The following MPHOSPH10 variants were observed in gnomAD, a reference collection of about 807,000 sequenced individuals.
The protein encoded by MPHOSPH10 is U3 small nucleolar ribonucleoprotein MPP10.
Under a neutral mutation model 77.3 loss-of-function variants are expected in MPHOSPH10, and 33 were observed. The ratio of observed to expected loss-of-function variants is 0.43; its 90% confidence interval spans 0.32 to 0.57. MPHOSPH10 has a LOEUF of 0.57. Ranked by LOEUF, MPHOSPH10 falls within the 20% of genes least tolerant of loss-of-function variation. The probability of loss-of-function intolerance (pLI) is 0.07; values close to 1 mark genes in which losing one functional copy is unlikely to be tolerated. For synonymous variants in MPHOSPH10, 245 were observed against 268.0 expected, an observed-to-expected ratio of 0.91 and a Z score of 0.84; for missense variants, 708 against 780.1, an observed-to-expected ratio of 0.91 and a Z score of 1.10.
At chr2:71,141,812 T>A (rs1260033333) in intron 7 of MPHOSPH10, among the ~76,000 whole-genome samples, 1 of 152,058 alleles carries the variant, frequency 6.6e-6, no homozygotes. Flanking sequence ...GGCGGATTGC[T>A]TGAGGTCAGG....
intron 5 of MPHOSPH10, chr2:71,139,520 G>C (rs1223661417): frequency 4.3e-6 from 1 of 231,340 alleles, no homozygotes. Flanking sequence ...AAGAGGGGAA[G>C]AGTCCCTGGG....
At chr2:71,148,420 A>G in intron 9 of MPHOSPH10, 1 of 228,040 alleles carries the variant, frequency 4.4e-6, no homozygotes. Context: ...CTTGCATTGC[A>G]TATATACTAG....
At chr2:71,140,897 G>A (rs888647919) in intron 6 of MPHOSPH10, among the ~76,000 whole-genome samples, 4 of 152,010 alleles carry the variant, frequency 2.6e-5, no homozygotes, top group Admixed American at 6.5e-5. Context: ...GGGGAAATGT[G>A]GAATTAAAGT....
chr2:71,130,653 G>T lies in MPHOSPH10; in HGVS notation c.-13G>T. 6.2e-7 allele frequency: 1 copy of T among 1,604,554 alleles called. No individual in the cohort carries two copies. On this transcript the variant is annotated 5_prime_UTR_variant, in exon 1 of 11. Coordinates refer to ENST00000244230, the MANE Select transcript of MPHOSPH10 (RefSeq NM_005791.3). Reference sequence around the variant, plus strand: ...CCTTGCATGCTGCATTGTGTCGGGAGTTGCTGACAGCCATGGCGCCGCAGG... The same window carrying T: ...CCTTGCATGCTGCATTGTGTCGGGATTTGCTGACAGCCATGGCGCCGCAGG...
chr2:71,135,105 G>C (rs1420769086), intron 4 of MPHOSPH10, among the ~76,000 whole-genome samples: 2 of 152,218 alleles, frequency 1.3e-5, no homozygotes, highest in Non-Finnish European at 2.9e-5. Flanking sequence ...GGTTGATGCT[G>C]CGGTGAGCTA....
chr2:71,130,731 G>C lies in MPHOSPH10; in HGVS notation c.66G>C (p.Thr22=). The change falls in exon 1 of 11, where the codon ACG becomes ACC. Residue 22 remains threonine, a synonymous_variant. Coordinates refer to ENST00000244230, the MANE Select transcript of MPHOSPH10 (RefSeq NM_005791.3). ...GTCTGACGGAAGTCGGCAAAGCCAC[G>C]GGTCGGCCCGAGTGCTTCCTCACGT... ...ERCLTEVGKA[T]GRPECFLTIQ... is the part of the protein sequence containing the mutation. The C allele has an allele frequency of 6.2e-7, 1 of 1,610,350 alleles. No individual in the cohort carries two copies.
At position 71,142,052 on chromosome 2, in the gene MPHOSPH10, G is replaced by A. The variant is rs149598684; in HGVS notation, c.1446+683G>A. Reference sequence around the variant, plus strand: ...ATCTCAAAAAAAGAAAGAAAGAAAGGAAGAAATCGCTGGTTAAATAATAGG... The same window carrying A: ...ATCTCAAAAAAAGAAAGAAAGAAAGAAAGAAATCGCTGGTTAAATAATAGG... On this transcript the variant is annotated intron_variant, in intron 7 of 10. Transcript: ENST00000244230. Among the ~76,000 whole-genome samples the A allele has an allele frequency of 3.0e-3, 456 of 149,540 alleles. 5 individuals carry two copies. Among genetic ancestry groups the A allele is most frequent in the African/African-American group, 0.01 (427 of 40,748 alleles).
intron 4 of MPHOSPH10, among the ~76,000 whole-genome samples, chr2:71,136,934 A>G (rs1673506453): frequency 6.8e-6 from 1 of 147,502 alleles, no homozygotes; most frequent in South Asian, 2.2e-4. Context: ...ACACACACAC[A>G]CACACACACA....
rs539937334 is a variant in MPHOSPH10 at position 71,149,290 on chromosome 2, G to A, written c.1733G>A (p.Arg578Gln). The A allele has an allele frequency of 1.5e-5, 24 of 1,606,724 alleles. No homozygotes were observed. In the East Asian group the frequency reaches 2.7e-4, roughly 18 times the overall value. Reference protein sequence around the residue: ...EKTATDKKRERRKKKYQKRMK... With the variant: ...EKTATDKKREQRKKKYQKRMK... Reference sequence around the variant, plus strand: ...ACAGCTACAGACAAGAAACGAGAGCGAAGGAAAAAGAAATATCAAAAGCGT... The same window carrying A: ...ACAGCTACAGACAAGAAACGAGAGCAAAGGAAAAAGAAATATCAAAAGCGT... The change falls in exon 10 of 11, where the codon CGA (arginine) becomes CAA (glutamine). Residue 578 changes from arginine (R) to glutamine (Q), a missense_variant. By Grantham distance (43) the Arg-to-Gln change is conservative (BLOSUM62 1). Coordinates refer to ENST00000244230, the MANE Select transcript of MPHOSPH10 (RefSeq NM_005791.3).
At chr2:71,144,268 C>T (rs1199321554) in intron 7 of MPHOSPH10, 160 bp from the exon 8 acceptor site, 1 of 579,088 alleles carries the variant, frequency 1.7e-6, no homozygotes, top group Non-Finnish European at 3.0e-6. Context: ...GTGCTGGAAC[C>T]CTCATGGTAC....
chr2:71,133,847 A>G, intron 2 of MPHOSPH10, 101 bp from the exon 3 acceptor site: 6 of 921,974 alleles, frequency 6.5e-6, no homozygotes, highest in Non-Finnish European at 9.3e-6. Context: ...TTATTAAGTC[A>G]GAAAGTAATA....
rs1208371341 is a variant in MPHOSPH10 at position 71,133,196 on chromosome 2, C to G, written c.388C>G (p.Leu130Val). 1 of 1,613,960 alleles carries G rather than the reference C, an allele frequency of 6.2e-7. No individual in the cohort carries two copies. The highest frequency in any genetic ancestry group is 2.2e-5 in the East Asian group (1 of 44,886). The change falls in exon 2 of 11, where the codon CTA (leucine) becomes GTA (valine). Residue 130 changes from leucine to valine, a missense_variant. By Grantham distance (32) the Leu-to-Val change is conservative. This residue lies in a region of MPHOSPH10 where 433 missense variants were observed against 432.6 expected (regional missense o/e 1.00). Coordinates refer to ENST00000244230, the MANE Select transcript of MPHOSPH10 (RefSeq NM_005791.3). The part of the protein sequence containing the change: ...SEIEADDKED[L>V]EDLEEEEVSD... ...GATAGAGGCTGATGACAAGGAGGAC[C>G]TAGAAGATTTAGAGGAGGAGGAAGT...
rs376740278 is a variant in MPHOSPH10, at chr2:71,147,069, T to G, written c.1558-930T>G. Among the ~76,000 whole-genome samples, 11 of 152,286 alleles carry G rather than the reference T, an allele frequency of 7.2e-5. No homozygotes were observed. The South Asian group carries it at 1.2e-3, about 17-fold the overall frequency. On this transcript the variant is annotated intron_variant, in intron 8 of 10. Transcript: ENST00000244230. ...TAGCTTTGATTTATTTTGATACTGT[T>G]TGAGTTTTTCAGTATTATTTCATAT...
chr2:71,148,206 T>A, intron 9 of MPHOSPH10, 100 bp downstream of exon 9: 2 of 984,760 alleles, frequency 2.0e-6, no homozygotes, highest in East Asian at 4.8e-5. Context: ...CTTGTAGTTC[T>A]TATTCCAATG....
intron 4 of MPHOSPH10, among the ~76,000 whole-genome samples, chr2:71,138,038 G>A (rs1218569155): frequency 1.3e-5 from 2 of 152,192 alleles, no homozygotes; most frequent in Non-Finnish European, 2.9e-5. Context: ...AGTGAGCTGA[G>A]ATCACACCAC....
chr2:71,133,360 C>T lies in MPHOSPH10; in HGVS notation c.552C>T (p.Ser184=). ...ATATCAGCAAATTGGAACAGCAGAG[C>T]AAGGTGCAAAACAAAGGACAGGGAA... ...DFDISKLEQQ[S]KVQNKGQGKP... The change falls in exon 2 of 11, where the codon AGC becomes AGT. Residue 184 remains serine, a synonymous_variant. Coordinates refer to ENST00000244230, the MANE Select transcript of MPHOSPH10 (RefSeq NM_005791.3). 1 of 1,614,002 alleles carries T rather than the reference C, an allele frequency of 6.2e-7. No homozygotes were observed. Among genetic ancestry groups the T allele is most frequent in the Non-Finnish European group, 8.5e-7 (1 of 1,179,974 alleles).
chr2:71,135,113 C>G (rs1324680273), intron 4 of MPHOSPH10, among the ~76,000 whole-genome samples: 1 of 152,192 alleles, frequency 6.6e-6, no homozygotes, highest in Non-Finnish European at 1.5e-5. Context: ...CTGCGGTGAG[C>G]TAAGATTGCA....
chr2:71,144,174 A>G, intron 7 of MPHOSPH10: 1 of 285,092 alleles, frequency 3.5e-6, no homozygotes, highest in Non-Finnish European at 6.5e-6. Flanking sequence ...AGAAGTAAAT[A>G]CCAAGGTAAT....
rs1572902298 is a variant in MPHOSPH10, at chr2:71,149,054, G to C, written c.1666-169G>C. The C allele has an allele frequency of 1.1e-5, 7 of 637,606 alleles. No individual in the cohort carries two copies. The East Asian group carries it at 1.9e-4, about 17-fold the overall frequency. The allele number at this position is 637,606 out of a possible 1,614,324, so 39.5% of individuals were successfully genotyped here. A position where few individuals can be genotyped will look rare whatever the true frequency, so the allele number is the denominator to read the frequency against. On this transcript the variant is annotated intron_variant, in intron 9 of 10. Transcript: ENST00000244230. ...AAGAATGCATTTCAGGTTTTAAAGA[G>C]CTGAGTTACCAACGCTCATTGGAAT...
Sources: allele counts gnomAD v4.1 joint callset (sites outside exome capture counted in the v4.1 genomes callset), GRCh38; gene constraint gnomAD v4.1.1; regional missense constraint gnomAD v4.1.1; transcripts MANE v1.5; gene names NCBI Gene and HGNC (gene_info 2026-07-23, HGNC 2026-07-21).